Variants in STK17A observed in about 807,000 individuals in gnomAD.
STK17A encodes the protein serine/threonine-protein kinase 17A.
STK17A carries 26 observed loss-of-function variants against 43.7 expected under a neutral mutation model. The observed-to-expected ratio is 0.60, with a 90% confidence interval of 0.44 to 0.83. STK17A has a LOEUF of 0.83. Ranked by LOEUF, STK17A falls within the 40% of genes least tolerant of loss-of-function variation. The probability of loss-of-function intolerance (pLI) is 0.00; values close to 1 mark genes in which losing one functional copy is unlikely to be tolerated. For synonymous variants in STK17A, 191 were observed against 182.5 expected (o/e 1.05, Z -0.38); for missense variants, 476 against 511.6 (o/e 0.93, Z 0.67).
chr7:43,606,916 C>CTTTTTTTTTTTTTTTTTTT (rs71011933), intron 2 of STK17A, among the ~76,000 whole-genome samples: 2 of 62,638 alleles, frequency 3.2e-5, no homozygotes, highest in African/African-American at 1.6e-4. Context: ...TTTCGATTTT[C>CTTTTTTTTTTTTTTTTTTT]TTTTTTTTTT....
At chr7:43,585,671 T>C (rs62461071) in intron 1 of STK17A, among the ~76,000 whole-genome samples, 3 of 151,476 alleles carry the variant, frequency 2.0e-5, no homozygotes, top group Admixed American at 6.6e-5. Flanking sequence ...CAGTGTGAGA[T>C]TGAATCTTGG....
At chr7:43,622,477 T>C (rs991586289) in intron 4 of STK17A, 1 of 152,164 alleles carries the variant, frequency 6.6e-6, no homozygotes. Flanking sequence ...TTTTAGTCTT[T>C]GGTCTGTTTT....
chr7:43,617,020 AAAG>A (rs1223510393), intron 3 of STK17A, among the ~76,000 whole-genome samples: 5 of 152,246 alleles, frequency 3.3e-5, no homozygotes, highest in East Asian at 1.9e-4. Flanking sequence ...GAGACTAGGC[AAAG>A]AAGAACAGAA....
At chr7:43,602,650 C>G (rs2082563122) in intron 2 of STK17A, among the ~76,000 whole-genome samples, 1 of 151,926 alleles carries the variant, frequency 6.6e-6, no homozygotes, top group Non-Finnish European at 1.5e-5. Context: ...AGCCGTTTAT[C>G]CTTTTCTACT....
At chr7:43,611,590 T>C (rs889780042) in intron 3 of STK17A, among the ~76,000 whole-genome samples, 35 of 152,328 alleles carry the variant, frequency 2.3e-4, no homozygotes, top group African/African-American at 8.2e-4. Context: ...AGATCCTTGC[T>C]GCAAGAAATT....
At chr7:43,617,091 A>G (rs1479414395) in intron 3 of STK17A, among the ~76,000 whole-genome samples, 6 of 152,226 alleles carry the variant, frequency 3.9e-5, no homozygotes, top group Non-Finnish European at 4.4e-5. Flanking sequence ...GAGAGGGAGC[A>G]TGGCAAGTAT....
At chr7:43,608,132 A>C (rs1022239984) in intron 2 of STK17A, 124 bp from the exon 3 acceptor site, 1 of 989,378 alleles carries the variant, frequency 1.0e-6, no homozygotes, top group Admixed American at 3.0e-5. Flanking sequence ...TCAAAATAAA[A>C]ATACATTTTT....
chr7:43,613,728 C>T (rs1395340380), intron 3 of STK17A, among the ~76,000 whole-genome samples: 2 of 152,046 alleles, frequency 1.3e-5, no homozygotes, highest in Admixed American at 6.6e-5. Context: ...CCTTTAGTCC[C>T]AGCTACAGAG....
At chr7:43,587,660 CAAAT>C (rs1162728561) in intron 1 of STK17A, among the ~76,000 whole-genome samples, 2 of 151,380 alleles carry the variant, frequency 1.3e-5, no homozygotes, top group African/African-American at 4.8e-5. Flanking sequence ...CATTTTTTAA[CAAAT>C]AAAGACCTTT....
intron 1 of STK17A, among the ~76,000 whole-genome samples, chr7:43,585,197 CA>C (rs539230020): frequency 0.025 from 3,498 of 140,846 alleles, 107 homozygotes; most frequent in African/African-American, 0.081. Flanking sequence ...ACTCCATCTC[CA>C]AAAAAAAAAA....
Position 43,625,048 on chromosome 7 carries a change from G to A in STK17A, c.*206G>A, listed in dbSNP as rs866375923. 5 of 387,356 alleles carry A rather than the reference G, an allele frequency of 1.3e-5. No individual in the cohort carries two copies. The highest frequency in any genetic ancestry group is 4.3e-5 in the Admixed American group (1 of 23,174). 24.0% of individuals were successfully genotyped at this position (387,356 alleles called of 1,614,324 possible). A position where few individuals can be genotyped will look rare whatever the true frequency, so the allele number is the denominator to read the frequency against. ...GGAGATTTAACAGGTACAGTTACCC[G>A]TTTCAATGTTATTTTTAAGAAGGGA... On this transcript the variant is annotated 3_prime_UTR_variant, in exon 7 of 7. Transcript: ENST00000319357.
intron 1 of STK17A, among the ~76,000 whole-genome samples, chr7:43,586,874 G>A (rs2082443653): frequency 6.6e-6 from 1 of 151,382 alleles, no homozygotes; most frequent in Non-Finnish European, 1.5e-5. Context: ...TCTGAAACAG[G>A]TACTTTATAA....
intron 2 of STK17A, among the ~76,000 whole-genome samples, chr7:43,601,023 A>C (rs902315699): frequency 2.6e-5 from 4 of 152,256 alleles, no homozygotes; most frequent in African/African-American, 9.6e-5. Flanking sequence ...AGGTTGGTTA[A>C]ATAAGTGATG....
intron 3 of STK17A, among the ~76,000 whole-genome samples, chr7:43,611,728 C>T (rs935671862): frequency 6.6e-6 from 1 of 152,050 alleles, no homozygotes; most frequent in African/African-American, 2.4e-5. Context: ...TATGCTGTAG[C>T]TTCTTTCATG....
intron 3 of STK17A, among the ~76,000 whole-genome samples, chr7:43,611,121 C>CA (rs778693550): frequency 9.3e-5 from 14 of 151,170 alleles, no homozygotes; most frequent in African/African-American, 2.7e-4. Context: ...CGTCTCAAAA[C>CA]AAAAAAAAGA....
At chr7:43,601,073 G>T (rs2082551531) in intron 2 of STK17A, among the ~76,000 whole-genome samples, 1 of 152,032 alleles carries the variant, frequency 6.6e-6, no homozygotes, top group South Asian at 2.1e-4. Context: ...AAAAGCTAAG[G>T]TAACTATAAA....
At chr7:43,619,915 T>C (rs2083705165) in intron 4 of STK17A, among the ~76,000 whole-genome samples, 192 bp downstream of exon 4, 1 of 152,226 alleles carries the variant, frequency 6.6e-6, no homozygotes, top group African/African-American at 2.4e-5. Context: ...TGGTGATCTC[T>C]TCACTATCTC....
chr7:43,597,928 A>T (rs13310029), intron 2 of STK17A, among the ~76,000 whole-genome samples: 27,123 of 152,080 alleles, frequency 0.18, 2,894 homozygotes, highest in East Asian at 0.33. Context: ...CTGTCTCAAA[A>T]AACAAAAAAA....
In STK17A at chr7:43,624,814, A is replaced by G. The variant is rs375843224; in HGVS notation, c.1217A>G (p.Gln406Arg). 6.2e-7 allele frequency: 1 copy of G among 1,604,004 alleles called. No homozygotes were observed. Residue 406 changes from glutamine (Q) to arginine (R), a missense_variant, in exon 7 of 7, where the codon CAA becomes CGA. Coordinates refer to ENST00000319357, the MANE Select transcript of STK17A (RefSeq NM_004760.3). ...TTTAAATTTGAGGAACCTTTGCTACAAGAAATTCCAGGAGAATTTATCTAC... is the reference window on the plus strand; with the variant it reads ...TTTAAATTTGAGGAACCTTTGCTACGAGAAATTCCAGGAGAATTTATCTAC... ...KRFKFEEPLL[Q>R]EIPGEFIY
Sources: gnomAD v4.1 joint callset for allele counts (sites outside exome capture counted in the v4.1 genomes callset) on GRCh38, gnomAD v4.1.1 for gene constraint, MANE v1.5 for transcripts, NCBI Gene and HGNC (gene_info 2026-07-23, HGNC 2026-07-21) for gene names.